Variants in KIF6 observed in about 807,000 individuals in gnomAD.
The protein encoded by KIF6 is kinesin family member 6.
A neutral mutation model predicts 112.7 loss-of-function variants in KIF6; 106 were observed. The ratio of observed to expected loss-of-function variants is 0.94; its 90% CI spans 0.80 to 1.11. KIF6 has a LOEUF of 1.11. Among genes scored for constraint, KIF6 ranks in the 50% least tolerant of loss-of-function variants. The pLI is 0.00. For synonymous variants in KIF6, 339 were observed against 339.9 expected, an observed-to-expected ratio of 1.00 and a Z score of 0.03; for missense variants, 929 against 964.0, an observed-to-expected ratio of 0.96 and a Z score of 0.48.
At chr6:39,404,715 G>A (rs1364163220) in intron 15 of KIF6, among the ~76,000 whole-genome samples, 1 of 152,134 alleles carries the variant, frequency 6.6e-6, no homozygotes, top group Non-Finnish European at 1.5e-5. Flanking sequence ...AAGTTCTGCT[G>A]GGATTTTGAA....
intron 3 of KIF6, among the ~76,000 whole-genome samples, chr6:39,705,306 C>T (rs922506072): frequency 3.3e-5 from 5 of 152,132 alleles, no homozygotes; most frequent in Admixed American, 2.0e-4. Flanking sequence ...TGCTGGGTTA[C>T]GGACCACACT....
At chr6:39,440,046 A>T (rs1325064381) in intron 13 of KIF6, among the ~76,000 whole-genome samples, 2 of 152,102 alleles carry the variant, frequency 1.3e-5, no homozygotes, top group Non-Finnish European at 2.9e-5. Context: ...TCCTTGGGAG[A>T]TATTCACTCG....
rs534607578 is a variant in KIF6 at position 39,687,133 on chromosome 6, G to A, written c.251+27559C>T. On this transcript the variant is annotated intron_variant, in intron 3 of 22. Transcript: ENST00000287152. The stretch of plus-strand genomic sequence containing the variant: ...CAGCGCCACAACACAAGCCCAAGAG[G>A]ATGGAAAATGTGACCGGTTACACCA... Among the ~76,000 whole-genome samples, 3 of 152,114 alleles carry A rather than the reference G, an allele frequency of 2.0e-5. No homozygotes were observed. In the South Asian group the frequency reaches 6.2e-4, roughly 32 times the overall value.
intron 3 of KIF6, among the ~76,000 whole-genome samples, chr6:39,664,045 A>C (rs1015115351): frequency 2.6e-5 from 4 of 152,096 alleles, no homozygotes; most frequent in South Asian, 4.1e-4. Context: ...ACTAATTAGG[A>C]CTGGAACTAA....
intron 7 of KIF6, among the ~76,000 whole-genome samples, chr6:39,593,119 T>C (rs924572585): frequency 1.3e-5 from 2 of 152,250 alleles, no homozygotes; most frequent in African/African-American, 4.8e-5. Context: ...TAGTCCTGCC[T>C]ACTTCTCAGT....
chr6:39,553,868 C>A (rs182339707), intron 10 of KIF6: 2 of 153,140 alleles, frequency 1.3e-5, no homozygotes, highest in Admixed American at 6.6e-5. Flanking sequence ...AAGTGGGATA[C>A]GAGAAGTATT....
chr6:39,602,642 T>A (rs188377530), intron 6 of KIF6, among the ~76,000 whole-genome samples: 1 of 152,352 alleles, frequency 6.6e-6, no homozygotes, highest in Non-Finnish European at 1.5e-5. Flanking sequence ...GCAAGCTTTT[T>A]AAGTCCATGG....
intron 6 of KIF6, 132 bp downstream of exon 6, chr6:39,613,057 G>T (rs1582271063): frequency 3.2e-6 from 2 of 619,692 alleles, no homozygotes; most frequent in African/African-American, 1.9e-5. Flanking sequence ...CTGCATGTGA[G>T]GTTTGGACGA....
chr6:39,545,719 G>A, intron 10 of KIF6, 31 bp from the exon 11 acceptor site: 2 of 1,395,390 alleles, frequency 1.4e-6, no homozygotes, highest in Non-Finnish European at 2.0e-6. Flanking sequence ...AGAAGCAACT[G>A]TGAGCTAGAA....
At chr6:39,648,617 T>C (rs930450508) in intron 3 of KIF6, among the ~76,000 whole-genome samples, 2 of 152,220 alleles carry the variant, frequency 1.3e-5, no homozygotes, top group African/African-American at 4.8e-5. Context: ...CAGTTTGCTG[T>C]GGTCCCCAAC....
chr6:39,532,581 T>C (rs1445014687), intron 13 of KIF6, among the ~76,000 whole-genome samples: 2 of 152,204 alleles, frequency 1.3e-5, no homozygotes, highest in Non-Finnish European at 2.9e-5. Flanking sequence ...GATTTTGAGT[T>C]CATTCTACCA....
intron 4 of KIF6, among the ~76,000 whole-genome samples, chr6:39,638,179 A>G (rs1784724514): frequency 6.6e-6 from 1 of 152,094 alleles, no homozygotes; most frequent in Non-Finnish European, 1.5e-5. Flanking sequence ...CTGTGATCAT[A>G]ACTATCATGT....
chr6:39,373,537 C>A (rs1466475979), intron 16 of KIF6, among the ~76,000 whole-genome samples: 1 of 151,992 alleles, frequency 6.6e-6, no homozygotes, highest in Admixed American at 6.6e-5. Flanking sequence ...GATACCAAAT[C>A]AGCATATAAA....
intron 15 of KIF6, among the ~76,000 whole-genome samples, chr6:39,399,553 T>C (rs995657082): frequency 6.6e-6 from 1 of 152,240 alleles, no homozygotes; most frequent in Non-Finnish European, 1.5e-5. Flanking sequence ...GCTTGTGTCA[T>C]TGAAGACTGA....
chr6:39,507,553 T>C (rs1776490694), intron 13 of KIF6, among the ~76,000 whole-genome samples: 1 of 151,914 alleles, frequency 6.6e-6, no homozygotes, highest in African/African-American at 2.4e-5. Flanking sequence ...ATACGTTTTT[T>C]CCCCACAAGG....
In KIF6 at chr6:39,636,891, C is replaced by A. The variant is rs567976519; in HGVS notation, c.400-1933G>T. On this transcript the variant is annotated intron_variant, in intron 4 of 22. Transcript: ENST00000287152. Reference sequence around the variant, plus strand: ...TAACAGAATAATCCCACACCCTTATCCTCAGCTGTTTCACCATAAAAATGG... The same window carrying A: ...TAACAGAATAATCCCACACCCTTATACTCAGCTGTTTCACCATAAAAATGG... 2.2e-3 allele frequency among the ~76,000 whole-genome samples: 329 copies of A among 152,112 alleles called. 2 individuals carry two copies. Among genetic ancestry groups the A allele is most frequent in the African/African-American group, 7.5e-3 (311 of 41,532 alleles).
At chr6:39,531,153 A>G (rs1778039260) in intron 13 of KIF6, among the ~76,000 whole-genome samples, 2 of 152,188 alleles carry the variant, frequency 1.3e-5, no homozygotes, top group Non-Finnish European at 2.9e-5. Flanking sequence ...AACAACTCAA[A>G]AACCCTTTCA....
chr6:39,688,445 A>G (rs2113795131), intron 3 of KIF6, among the ~76,000 whole-genome samples: 1 of 152,328 alleles, frequency 6.6e-6, no homozygotes, highest in Middle Eastern at 3.4e-3. Flanking sequence ...TAATTACATC[A>G]TATTAATCAG....
intron 3 of KIF6, among the ~76,000 whole-genome samples, chr6:39,673,528 T>A (rs1167109016): frequency 6.6e-6 from 1 of 152,250 alleles, no homozygotes; most frequent in Non-Finnish European, 1.5e-5. Flanking sequence ...TAAAAAGTTA[T>A]GATCATGAAC....
Sources: gnomAD v4.1 joint callset for allele counts (sites outside exome capture counted in the v4.1 genomes callset) on GRCh38, gnomAD v4.1.1 for gene constraint, MANE v1.5 for transcripts, NCBI Gene and HGNC (gene_info 2026-07-23, HGNC 2026-07-21) for gene names.